RAD54B: variants seen among roughly 807,000 people sequenced by gnomAD.
RAD54B encodes DNA repair and recombination protein RAD54B.
In RAD54B, 78 loss-of-function variants were observed where a neutral mutation model predicts 95.8. The ratio of observed to expected loss-of-function variants is 0.81; its 90% confidence interval spans 0.68 to 0.98. RAD54B has a LOEUF of 0.98. RAD54B is among the 50% of genes least tolerant of loss of function. RAD54B has a pLI of 0.00. For synonymous variants in RAD54B, 328 were observed against 354.9 expected, an observed-to-expected ratio of 0.92 and a Z score of 0.85; for missense variants, 957 against 1,056.6, an observed-to-expected ratio of 0.91 and a Z score of 1.31.
chr8:94,415,247 A>G, intron 3 of RAD54B, among the ~76,000 whole-genome samples: 1 of 150,252 alleles, frequency 6.7e-6, no homozygotes, highest in Non-Finnish European at 1.5e-5. Flanking sequence ...GACAAACCTG[A>G]GAAAAACAAG....
intron 4 of RAD54B, among the ~76,000 whole-genome samples, chr8:94,408,641 A>G (rs1017736979): frequency 1.3e-5 from 2 of 152,172 alleles, no homozygotes; most frequent in African/African-American, 4.8e-5. Context: ...ATATAGTCTT[A>G]AATTATTTAT....
rs186876185 is a variant in RAD54B at position 94,404,248 on chromosome 8, A to G, written c.782-9T>C. The G allele has an allele frequency of 1.3e-4, 198 of 1,582,220 alleles. No individual in the cohort carries two copies. The African/African-American group carries it at 2.4e-3, about 19-fold the overall frequency. On this transcript the variant is annotated splice_polypyrimidine_tract_variant and intron_variant, in intron 5 of 14. Coordinates refer to ENST00000336148, the MANE Select transcript of RAD54B (RefSeq NM_012415.3). Reference sequence around the variant, plus strand: ...TGGCATAACGAGGGAATCTTAAAAAATGATAAAAGTACAAGTATTGTAATT... The same window carrying G: ...TGGCATAACGAGGGAATCTTAAAAAGTGATAAAAGTACAAGTATTGTAATT...
chr8:94,456,178 T>C (rs1812774850), intron 3 of RAD54B, among the ~76,000 whole-genome samples: 1 of 152,154 alleles, frequency 6.6e-6, no homozygotes, highest in South Asian at 2.1e-4. Context: ...TTGGGGGAAG[T>C]CATTAGTGGT....
chr8:94,436,736 A>T (rs1235829650), intron 3 of RAD54B: 1 of 1,550,670 alleles, frequency 6.4e-7, no homozygotes, highest in South Asian at 1.2e-5. Flanking sequence ...ATATCCCAAC[A>T]TCTATTCTTT....
At chr8:94,430,096 G>C in intron 3 of RAD54B, 1 of 843,208 alleles carries the variant, frequency 1.2e-6, no homozygotes, top group Non-Finnish European at 1.4e-6. Context: ...GGCAGATCAC[G>C]AGGTCAGGAG....
Position 94,447,108 on chromosome 8 carries a change from A to T in RAD54B, c.304+11160T>A, listed in dbSNP as rs371345110. On this transcript the variant is annotated intron_variant, in intron 3 of 14. Coordinates refer to ENST00000336148, the MANE Select transcript of RAD54B (RefSeq NM_012415.3). ...TGTGCTTTGGTGGTGATATTCTGTG[A>T]TGTTAAGCAGTTAAGACAATCAAAA... 1.3e-3 allele frequency among the ~76,000 whole-genome samples: 198 copies of T among 152,306 alleles called. 3 individuals carry two copies. Among genetic ancestry groups the T allele is most frequent in the South Asian group, 9.1e-3 (44 of 4,824 alleles).
Position 94,399,558 on chromosome 8 carries a change from T to C in RAD54B, c.1234A>G (p.Met412Val). The change falls in exon 8 of 15, where the codon ATG (methionine) becomes GTG (valine). Residue 412 changes from methionine to valine, a missense_variant. Physicochemically the swap from Met to Val is conservative, Grantham distance 21 (BLOSUM62 1). Coordinates refer to ENST00000336148, the MANE Select transcript of RAD54B (RefSeq NM_012415.3). ...ATTTGATCCAGGGAACGAAGTAACATTTCATAACTGATAATAAGAACAGAA... is the reference window on the plus strand; with the variant it reads ...ATTTGATCCAGGGAACGAAGTAACACTTCATAACTGATAATAAGAACAGAA... ...FYSVLIISYE[M>V]LLRSLDQIKN... 1.2e-6 allele frequency: 2 copies of C among 1,613,008 alleles called. No individual in the cohort carries two copies. The highest frequency in any genetic ancestry group is 1.7e-6 in the Non-Finnish European group (2 of 1,179,436).
At position 94,372,153 on chromosome 8, in the gene RAD54B, T is replaced by C. The variant is rs1279819772; in HGVS notation, c.*17A>G. The C allele has an allele frequency of 1.3e-6, 2 of 1,579,608 alleles. No individual in the cohort carries two copies. Among genetic ancestry groups the C allele is most frequent in the Non-Finnish European group, 1.7e-6 (2 of 1,169,850 alleles). ...TTTTCAAAAGAAGAGCAATGGAATG[T>C]CAGAAGTAATCTTTCACTATGTGCC... On this transcript the variant is annotated 3_prime_UTR_variant, in exon 15 of 15. Coordinates refer to ENST00000336148, the MANE Select transcript of RAD54B (RefSeq NM_012415.3).
chr8:94,404,269 T>C (rs1811332211), intron 5 of RAD54B, 30 bp from the exon 6 acceptor site: 1 of 1,519,382 alleles, frequency 6.6e-7, no homozygotes, highest in East Asian at 2.4e-5. Context: ...ACAAGTATTG[T>C]AATTTCACTT....
intron 3 of RAD54B, among the ~76,000 whole-genome samples, chr8:94,454,753 A>T (rs1370754105): frequency 6.6e-6 from 1 of 152,228 alleles, no homozygotes; most frequent in African/African-American, 2.4e-5. Context: ...GCACTCAATT[A>T]TAAGGCAGCT....
chr8:94,461,160 C>CTTTTTT (rs57563259), intron 2 of RAD54B, among the ~76,000 whole-genome samples: 9 of 59,982 alleles, frequency 1.5e-4, no homozygotes, highest in Admixed American at 2.4e-4. Context: ...AAATACTCAT[C>CTTTTTT]TTTTTTTTTT....
chr8:94,417,319 GTTCTGATGGTTGC>G, intron 3 of RAD54B, among the ~76,000 whole-genome samples: 1 of 152,096 alleles, frequency 6.6e-6, no homozygotes, highest in South Asian at 2.1e-4. Flanking sequence ...GCAACTGGCT[GTTCTGATGGTTGC>G]ACATTAACTG....
At position 94,400,361 on chromosome 8, in the gene RAD54B, A is replaced by T. The variant is rs183468109; in HGVS notation, c.1047T>A (p.Tyr349Ter). ...TCTTCTTTATTACTGGCTTGCCTCC[A>T]TAGGGTCCCTGACACTGCAGGGTCC... The part of the protein sequence containing the change: ...LIWTLQCQGP[Y>*]GGKPVIKKTL... The change falls in exon 7 of 15, where the codon TAT becomes TAA. Residue 349 changes from tyrosine (Y) to a stop codon, truncating the protein, a stop_gained. Transcript: ENST00000336148. LOFTEE classifies it high-confidence loss of function. 6.2e-7 allele frequency: 1 copy of T among 1,613,786 alleles called. No homozygotes were observed. The highest frequency in any genetic ancestry group is 8.5e-7 in the Non-Finnish European group (1 of 1,179,886).
intron 1 of RAD54B, among the ~76,000 whole-genome samples, chr8:94,471,539 T>C (rs1158761207): frequency 6.6e-6 from 1 of 152,120 alleles, no homozygotes; most frequent in African/African-American, 2.4e-5. Flanking sequence ...AACATCAAAA[T>C]GTACACATCT....
intron 14 of RAD54B, among the ~76,000 whole-genome samples, chr8:94,377,955 G>C (rs1310184432): frequency 7.6e-6 from 1 of 131,280 alleles, no homozygotes; most frequent in East Asian, 2.2e-4. Flanking sequence ...CAGCCTGGGC[G>C]ACAGAGCGAG....
intron 3 of RAD54B, chr8:94,436,725 G>A (rs199864950): frequency 6.5e-5 from 101 of 1,550,592 alleles, no homozygotes; most frequent in Non-Finnish European, 8.5e-5. Context: ...TAACTGCTAT[G>A]ATATCCCAAC....
chr8:94,382,322 G>A (rs535357938), intron 11 of RAD54B, among the ~76,000 whole-genome samples: 102 of 152,200 alleles, frequency 6.7e-4, no homozygotes, highest in African/African-American at 2.4e-3. Context: ...ATCGAAATTT[G>A]AAAATCATCG....
At chr8:94,416,165 A>G (rs1811658697) in intron 3 of RAD54B, among the ~76,000 whole-genome samples, 1 of 151,648 alleles carries the variant, frequency 6.6e-6, no homozygotes, top group Non-Finnish European at 1.5e-5. Context: ...GCACATATAT[A>G]CCATGGAATA....
At chr8:94,467,068 C>T (rs1027717819) in intron 2 of RAD54B, among the ~76,000 whole-genome samples, 3 of 152,002 alleles carry the variant, frequency 2.0e-5, no homozygotes, top group Non-Finnish European at 4.4e-5. Flanking sequence ...AGCTGATACT[C>T]CAGGTGCACA....
Sources: allele counts gnomAD v4.1 joint callset (sites outside exome capture counted in the v4.1 genomes callset), GRCh38; gene constraint gnomAD v4.1.1; transcripts MANE v1.5; gene names NCBI Gene and HGNC (gene_info 2026-07-23, HGNC 2026-07-21).